Variants in ANKRD11 observed in about 807,000 individuals in gnomAD.
The protein encoded by ANKRD11 is ankyrin repeat domain-containing protein 11.
Under a neutral mutation model 195.7 loss-of-function variants are expected in ANKRD11, and 17 were observed. That is an observed-to-expected ratio of 0.09 (90% CI 0.06 to 0.13). The LOEUF is 0.13. Among genes scored for constraint, ANKRD11 ranks in the 10% least tolerant of loss-of-function variants. The pLI is 1.00. For synonymous variants in ANKRD11, 1,953 were observed against 1,528.1 expected (o/e 1.28, Z -6.49); for missense variants, 3,735 against 3,566.1 (o/e 1.05, Z -1.21).
intron 2 of ANKRD11, among the ~76,000 whole-genome samples, chr16:89,388,564 C>T (rs1360135161): frequency 2.0e-5 from 3 of 152,122 alleles, no homozygotes; most frequent in Non-Finnish European, 4.4e-5. Context: ...AGCCTGAATG[C>T]TGCATGTGTG....
chr16:89,490,405 G>A lies in ANKRD11; in HGVS notation c.-305C>T, dbSNP rs1361400077. The A allele has an allele frequency of 1.1e-5, 3 of 264,248 alleles. No individual in the cohort carries two copies. The highest frequency in any genetic ancestry group is 2.1e-5 in the Non-Finnish European group (3 of 140,590). 16.4% of individuals were successfully genotyped at this position (264,248 alleles called of 1,614,324 possible). On this transcript the variant is annotated 5_prime_UTR_variant, in exon 1 of 13. Transcript: ENST00000301030. ...CCCGGCAGAGCTGCGAGGGACGGCGGGAGGCGAGCCCGCCCCTCGGGCGCG... is the reference window on the plus strand; with the variant it reads ...CCCGGCAGAGCTGCGAGGGACGGCGAGAGGCGAGCCCGCCCCTCGGGCGCG...
At chr16:89,351,958 T>A (rs918584344) in intron 2 of ANKRD11, among the ~76,000 whole-genome samples, 1 of 152,226 alleles carries the variant, frequency 6.6e-6, no homozygotes, top group Non-Finnish European at 1.5e-5. Flanking sequence ...TCGCCCAGGA[T>A]GGAGTGCAGT....
chr16:89,305,701 C>G (rs1306573427), intron 3 of ANKRD11, among the ~76,000 whole-genome samples: 1 of 139,576 alleles, frequency 7.2e-6, no homozygotes, highest in Non-Finnish European at 1.6e-5. Context: ...ACCTCCCACT[C>G]CGCAGACACG....
intron 1 of ANKRD11, among the ~76,000 whole-genome samples, chr16:89,444,155 C>T (rs2043670255): frequency 6.6e-6 from 1 of 152,028 alleles, no homozygotes; most frequent in Non-Finnish European, 1.5e-5. Flanking sequence ...GCATAAAATA[C>T]TAGTAAGACT....
rs914646646 is a variant in ANKRD11, at chr16:89,479,830, C to T, written c.-145+10415G>A. ...TGGTGGCAGGTGCCTGTAGTCCCAA[C>T]CACTCGGGAGGCTGAGGCAGGAGAA... is the stretch of plus-strand genomic sequence containing the variant. On this transcript the variant is annotated intron_variant, in intron 1 of 12. Coordinates refer to ENST00000301030, the MANE Select transcript of ANKRD11 (RefSeq NM_013275.6). Among the ~76,000 whole-genome samples the T allele has an allele frequency of 1.4e-3, 210 of 151,604 alleles. 3 individuals carry two copies. Among genetic ancestry groups the T allele is most frequent in the East Asian group, 3.9e-4 (2 of 5,148 alleles).
chr16:89,457,560 T>C (rs913386368), intron 1 of ANKRD11, among the ~76,000 whole-genome samples: 1 of 145,254 alleles, frequency 6.9e-6, no homozygotes, highest in Non-Finnish European at 1.5e-5. Flanking sequence ...ATCGCGCCAC[T>C]GCACTCCAGC....
Position 89,279,850 on chromosome 16 carries a change from G to C in ANKRD11, c.6692C>G (p.Ala2231Gly). The C allele has an allele frequency of 3.9e-6, 6 of 1,551,772 alleles. No homozygotes were observed. The highest frequency in any genetic ancestry group is 5.2e-6 in the Non-Finnish European group (6 of 1,149,954). ...CACGCTGGAGTCCGGATCCCCACGGGCCCTCTCTTCCGGCACCGTCTCCGC... is the reference window on the plus strand; with the variant it reads ...CACGCTGGAGTCCGGATCCCCACGGCCCCTCTCTTCCGGCACCGTCTCCGC... Reference protein sequence around the residue: ...VEAETVPEERARGDPDSSVEP... With the variant: ...VEAETVPEERGRGDPDSSVEP... Residue 2231 changes from alanine (A) to glycine (G), a missense_variant, in exon 9 of 13, where the codon GCC becomes GGC. Ala to Gly is a moderately conservative substitution (Grantham distance 60). Transcript: ENST00000301030. This position sits in a 1 kb window ranked among gnomAD's most constrained non-coding sequence, Gnocchi z 5.6.
intron 2 of ANKRD11, among the ~76,000 whole-genome samples, chr16:89,327,323 T>G (rs1049767658): frequency 6.6e-6 from 1 of 152,152 alleles, no homozygotes; most frequent in Middle Eastern, 3.4e-3. Flanking sequence ...CTCAACACGA[T>G]AAAGGCCAAC....
At chr16:89,325,506 G>A (rs1050740193) in intron 2 of ANKRD11, among the ~76,000 whole-genome samples, 4 of 151,120 alleles carry the variant, frequency 2.6e-5, no homozygotes, top group Non-Finnish European at 5.9e-5. Flanking sequence ...GAGTAATAAT[G>A]TTGGGGACAA....
chr16:89,408,954 G>A (rs887012620), intron 2 of ANKRD11, among the ~76,000 whole-genome samples: 6 of 152,152 alleles, frequency 3.9e-5, no homozygotes, highest in African/African-American at 1.2e-4. Context: ...TGTGGAGTGC[G>A]GTTTCTAAAA....
At chr16:89,470,976 G>C (rs899372045) in intron 1 of ANKRD11, among the ~76,000 whole-genome samples, 5 of 151,892 alleles carry the variant, frequency 3.3e-5, no homozygotes, top group African/African-American at 9.7e-5. Flanking sequence ...CTGGGCGACA[G>C]AGCGAGACTC....
At chr16:89,324,553 A>C (rs1393154800) in intron 2 of ANKRD11, 1 of 455,596 alleles carries the variant, frequency 2.2e-6, no homozygotes, top group Non-Finnish European at 4.4e-6. Context: ...GGACGGGGAG[A>C]GGCCGACGAA....
rs188149104 is a variant in ANKRD11 at position 89,327,956 on chromosome 16, G to A, written c.-59-10878C>T. On this transcript the variant is annotated intron_variant, in intron 2 of 12. Transcript: ENST00000301030. The stretch of plus-strand genomic sequence containing the variant: ...TTAAAGAGTGAAAAGACAAACTGCA[G>A]ACAGGGAAAAATATCTGCAAATCAC... Among the ~76,000 whole-genome samples, 11 of 152,338 alleles carry A rather than the reference G, an allele frequency of 7.2e-5. 1 individual carries two copies. In the East Asian group the frequency reaches 2.1e-3, roughly 29 times the overall value.
chr16:89,332,876 T>C (rs1401520961), intron 2 of ANKRD11, among the ~76,000 whole-genome samples: 1 of 152,222 alleles, frequency 6.6e-6, no homozygotes, highest in Non-Finnish European at 1.5e-5. Flanking sequence ...TATTACTCCT[T>C]AGGGCTGCTT....
chr16:89,269,544 G>C (rs142274204), intron 12 of ANKRD11, among the ~76,000 whole-genome samples: 223 of 151,146 alleles, frequency 1.5e-3, no homozygotes, highest in African/African-American at 5.1e-3. Context: ...CCAAACTCCG[G>C]TGAGTCACTG....
intron 2 of ANKRD11, among the ~76,000 whole-genome samples, chr16:89,366,309 T>C (rs2039949098): frequency 6.6e-6 from 1 of 152,168 alleles, no homozygotes; most frequent in Non-Finnish European, 1.5e-5. Context: ...TGTGTCTTTA[T>C]GGTAGAATGG....
chr16:89,360,706 T>C (rs2039691748), intron 2 of ANKRD11: 1 of 152,194 alleles, frequency 6.6e-6, no homozygotes, highest in South Asian at 2.1e-4. Context: ...ATACGTGGAC[T>C]CCCTTTCAAA....
intron 1 of ANKRD11, among the ~76,000 whole-genome samples, chr16:89,480,533 G>C (rs1349989879): frequency 1.3e-5 from 2 of 152,066 alleles, no homozygotes; most frequent in African/African-American, 4.8e-5. Flanking sequence ...ATATTAATTA[G>C]GTATCTATTA....
At chr16:89,362,521 C>A (rs1468615504) in intron 2 of ANKRD11, among the ~76,000 whole-genome samples, 1 of 152,248 alleles carries the variant, frequency 6.6e-6, no homozygotes, top group East Asian at 1.9e-4. Context: ...ACCAGAGATA[C>A]TGGGCGGAGC....
Sources: gnomAD v4.1 joint callset for allele counts (sites outside exome capture counted in the v4.1 genomes callset) on GRCh38, gnomAD v4.1.1 for gene constraint, Gnocchi (gnomAD v3.1) non-coding constraint, MANE v1.5 for transcripts, NCBI Gene and HGNC (gene_info 2026-07-23, HGNC 2026-07-21) for gene names.